Variants in GRIN2B observed in about 807,000 individuals in gnomAD.
The protein encoded by GRIN2B is glutamate receptor ionotropic, NMDA 2B.
A neutral mutation model predicts 114.5 loss-of-function variants in GRIN2B; 5 were observed. The ratio of observed to expected loss-of-function variants is 0.04; its 90% CI spans 0.02 to 0.09. The LOEUF is 0.09. Ranked by LOEUF, GRIN2B falls within the 10% of genes least tolerant of loss-of-function variation. GRIN2B has a pLI of 1.00. For missense variants in GRIN2B, 1,108 were observed against 1,943.5 expected (o/e 0.57, Z 8.08); for synonymous variants, 787 against 745.1 (o/e 1.06, Z -0.92).
At chr12:13,835,746 G>A (rs1865248641) in intron 3 of GRIN2B, among the ~76,000 whole-genome samples, 1 of 129,840 alleles carries the variant, frequency 7.7e-6, no homozygotes, top group Non-Finnish European at 1.6e-5. Flanking sequence ...CACAGGAGTT[G>A]TATGAGAGGG....
At chr12:13,730,699 T>G (rs1863074084) in intron 4 of GRIN2B, among the ~76,000 whole-genome samples, 2 of 152,164 alleles carry the variant, frequency 1.3e-5, no homozygotes, top group African/African-American at 2.4e-5. Context: ...GGTTTGAATC[T>G]TTCCCTTCCC....
intron 4 of GRIN2B, among the ~76,000 whole-genome samples, chr12:13,726,381 A>C (rs1253639945): frequency 6.6e-6 from 1 of 151,820 alleles, no homozygotes. Flanking sequence ...CTAAAAATAC[A>C]AAAATTAGCC....
chr12:13,944,727 G>A (rs1867332443), intron 2 of GRIN2B, among the ~76,000 whole-genome samples: 1 of 152,142 alleles, frequency 6.6e-6, no homozygotes, highest in Non-Finnish European at 1.5e-5. Flanking sequence ...ACCCATAACT[G>A]ACTTGAGTCC....
chr12:13,546,597 T>C lies in GRIN2B; in HGVS notation c.*16186A>G, dbSNP rs1948346458. 1.3e-5 allele frequency: 2 copies of C among 152,226 alleles called. No homozygotes were observed. The highest frequency in any genetic ancestry group is 4.1e-4 in the South Asian group (2 of 4,832). The allele number at this position is 152,226 out of a possible 1,614,324, so 9.4% of individuals were successfully genotyped here. ...TCTCAGAACCAAGCTTTTTGTCTGCTTGTCACTGAATCTATTTCCCATTCA... is the reference window on the plus strand; with the variant it reads ...TCTCAGAACCAAGCTTTTTGTCTGCCTGTCACTGAATCTATTTCCCATTCA... On this transcript the variant is annotated 3_prime_UTR_variant, in exon 14 of 14. Transcript: ENST00000609686.
At chr12:13,965,225 G>T (rs1867769198) in intron 2 of GRIN2B, among the ~76,000 whole-genome samples, 1 of 152,250 alleles carries the variant, frequency 6.6e-6, no homozygotes, top group Middle Eastern at 3.4e-3. Flanking sequence ...CATTTTGAGG[G>T]TTCCTAGCCC....
At chr12:13,630,175 G>A (rs1031882218) in intron 5 of GRIN2B, among the ~76,000 whole-genome samples, 2 of 152,136 alleles carry the variant, frequency 1.3e-5, no homozygotes, top group Non-Finnish European at 2.9e-5. Flanking sequence ...ATTTCAAAAG[G>A]GGAACCTGCT....
At position 13,839,443 on chromosome 12, in the gene GRIN2B, T is replaced by C. The variant is rs571563876; in HGVS notation, c.411+26355A>G. On this transcript the variant is annotated intron_variant, in intron 3 of 13. Coordinates refer to ENST00000609686, the MANE Select transcript of GRIN2B (RefSeq NM_000834.5). ...AATGTAACCACACATACAATCGTCA[T>C]GGTGAAAATCCCTGAGATGTTTTTC... is the stretch of plus-strand genomic sequence containing the variant. Among the ~76,000 whole-genome samples, 68 of 152,340 alleles carry C rather than the reference T, an allele frequency of 4.5e-4. 1 individual carries two copies. Among genetic ancestry groups the C allele is most frequent in the African/African-American group, 1.5e-3 (61 of 41,578 alleles).
intron 2 of GRIN2B, among the ~76,000 whole-genome samples, chr12:13,916,687 C>T (rs1347326763): frequency 2.7e-5 from 4 of 149,096 alleles, no homozygotes; most frequent in African/African-American, 9.9e-5. Flanking sequence ...ATCTCTATCT[C>T]TCTCTCTCTC....
rs568670653 is a variant in GRIN2B at position 13,537,604 on chromosome 12, A to T, written c.*25179T>A. ...ACAAACAGCTGCCACATATAATGGG[A>T]TTAGAAGTAAATAGGAGGCCCGCTT... On this transcript the variant is annotated 3_prime_UTR_variant, in exon 14 of 14. Coordinates refer to ENST00000609686, the MANE Select transcript of GRIN2B (RefSeq NM_000834.5). The T allele has an allele frequency of 8.5e-5, 13 of 152,266 alleles. No individual in the cohort carries two copies. The East Asian group carries it at 2.5e-3, about 29-fold the overall frequency. 9.4% of individuals were successfully genotyped at this position (152,266 alleles called of 1,614,324 possible).
intron 10 of GRIN2B, among the ~76,000 whole-genome samples, chr12:13,587,273 C>T (rs1427745095): frequency 2.7e-4 from 41 of 151,840 alleles, no homozygotes; most frequent in African/African-American, 9.7e-4. Context: ...ATATACCACT[C>T]GTAAGCATCT....
intron 3 of GRIN2B, among the ~76,000 whole-genome samples, chr12:13,767,360 T>G (rs1863816507): frequency 6.6e-6 from 1 of 152,006 alleles, no homozygotes; most frequent in South Asian, 2.1e-4. Flanking sequence ...CGTAGATGAC[T>G]ACCTAAATGC....
chr12:13,552,115 G>A lies in GRIN2B; in HGVS notation c.*10668C>T, dbSNP rs1232152427. The A allele has an allele frequency of 3.9e-5, 6 of 152,146 alleles. No individual in the cohort carries two copies. Among genetic ancestry groups the A allele is most frequent in the Non-Finnish European group, 1.5e-5 (1 of 68,032 alleles). 9.4% of individuals were successfully genotyped at this position (152,146 alleles called of 1,614,324 possible). On this transcript the variant is annotated 3_prime_UTR_variant, in exon 14 of 14. Coordinates refer to ENST00000609686, the MANE Select transcript of GRIN2B (RefSeq NM_000834.5). ...AGACTATGAATCTCTTACTGCAAGG[G>A]GGACAGATGGAGTCACAGCCTGGTG...
chr12:13,644,008 TTGTTAA>T (rs1219441894), intron 5 of GRIN2B, among the ~76,000 whole-genome samples: 1 of 152,132 alleles, frequency 6.6e-6, no homozygotes, highest in Non-Finnish European at 1.5e-5. Flanking sequence ...TTCTAAACTT[TTGTTAA>T]TGTTAATATT....
chr12:13,590,988 C>T (rs1949001810), intron 10 of GRIN2B, among the ~76,000 whole-genome samples: 1 of 152,094 alleles, frequency 6.6e-6, no homozygotes, highest in Non-Finnish European at 1.5e-5. Flanking sequence ...TTTCAAAAGA[C>T]CCACAAGGTT....
At chr12:13,567,889 T>C (rs559577212) in intron 12 of GRIN2B, among the ~76,000 whole-genome samples, 18 of 152,114 alleles carry the variant, frequency 1.2e-4, no homozygotes, top group Admixed American at 3.3e-4. Flanking sequence ...AAGCATTCTG[T>C]ACTTTATATT....
chr12:13,588,811 T>C (rs1246954307), intron 10 of GRIN2B, among the ~76,000 whole-genome samples: 1 of 152,242 alleles, frequency 6.6e-6, no homozygotes, highest in East Asian at 1.9e-4. Context: ...GACCACCGTG[T>C]GTTCTCTTCC....
At chr12:13,813,336 T>A (rs939056376) in intron 3 of GRIN2B, among the ~76,000 whole-genome samples, 1 of 152,114 alleles carries the variant, frequency 6.6e-6, no homozygotes, top group Non-Finnish European at 1.5e-5. Flanking sequence ...AATTATGATA[T>A]AAGGGCAGAA....
intron 2 of GRIN2B, among the ~76,000 whole-genome samples, chr12:13,894,639 T>C (rs1866325495): frequency 6.6e-6 from 1 of 152,196 alleles, no homozygotes; most frequent in Non-Finnish European, 1.5e-5. Flanking sequence ...ACTTATGTTA[T>C]TTTTATAATC....
chr12:13,615,950 C>A lies in GRIN2B; in HGVS notation c.1329-286G>T, dbSNP rs1388602204. On this transcript the variant is annotated intron_variant, in intron 6 of 13. Coordinates refer to ENST00000609686, the MANE Select transcript of GRIN2B (RefSeq NM_000834.5). This position sits in a 1 kb window ranked among gnomAD's most constrained non-coding sequence, Gnocchi z 5.8. ...ATATTTGAAGGCTTCAGTTCAATGA[C>A]TTTTCAGACTGAACTCTTATTAATC... is the stretch of plus-strand genomic sequence containing the variant. Among the ~76,000 whole-genome samples, 2 of 152,136 alleles carry A rather than the reference C, an allele frequency of 1.3e-5. No individual in the cohort carries two copies. Among genetic ancestry groups the A allele is most frequent in the Non-Finnish European group, 2.9e-5 (2 of 68,040 alleles).
Sources: gnomAD v4.1 joint callset for allele counts (sites outside exome capture counted in the v4.1 genomes callset) on GRCh38, gnomAD v4.1.1 for gene constraint, Gnocchi (gnomAD v3.1) non-coding constraint, MANE v1.5 for transcripts, NCBI Gene and HGNC (gene_info 2026-07-23, HGNC 2026-07-21) for gene names.